DIS3L2: variants seen among roughly 807,000 people sequenced by gnomAD.
The protein encoded by DIS3L2 is DIS3 like 3'-5' exoribonuclease 2.
Under a neutral mutation model 97.5 loss-of-function variants are expected in DIS3L2, and 34 were observed. The observed-to-expected ratio is 0.35, with a 90% CI of 0.27 to 0.46. The LOEUF is 0.46. Among genes scored for constraint, DIS3L2 ranks in the 20% least tolerant of loss-of-function variants. The probability of loss-of-function intolerance (pLI) is 1.00; values close to 1 mark genes in which losing one functional copy is unlikely to be tolerated. For synonymous variants in DIS3L2, 435 were observed against 445.2 expected, an observed-to-expected ratio of 0.98 and a Z score of 0.29; for missense variants, 1,038 against 1,146.0, an observed-to-expected ratio of 0.91 and a Z score of 1.36.
At chr2:232,200,486 G>A (rs552940953) in intron 9 of DIS3L2, among the ~76,000 whole-genome samples, 1 of 152,130 alleles carries the variant, frequency 6.6e-6, no homozygotes, top group African/African-American at 2.4e-5. Flanking sequence ...GGGATATAGA[G>A]GCTCACTTGA....
intron 13 of DIS3L2, among the ~76,000 whole-genome samples, chr2:232,275,600 C>A (rs553828485): frequency 8.5e-5 from 13 of 152,172 alleles, no homozygotes; most frequent in Non-Finnish European, 1.9e-4. Flanking sequence ...CTTCTTGATT[C>A]CCTTGTTAAG....
chr2:232,137,185 A>G (rs1487770705), intron 8 of DIS3L2, among the ~76,000 whole-genome samples: 1 of 152,218 alleles, frequency 6.6e-6, no homozygotes, highest in East Asian at 1.9e-4. Context: ...TGCCTGTGGC[A>G]TTAAAAACTA....
At position 232,263,326 on chromosome 2, in the gene DIS3L2, C is replaced by T. The variant is rs1187281709; in HGVS notation, c.1545C>T (p.Pro515=). ...TEKIPAKELP[P]ISPEHSSEEV... ...AAATCCCTGCGAAAGAGCTGCCCCC[C>T]ATTTCCCCAGAGCATAGCAGCGAGG... The change falls in exon 13 of 21, where the codon CCC becomes CCT. Residue 515 remains proline, a synonymous_variant. Coordinates refer to ENST00000325385, the MANE Select transcript of DIS3L2 (RefSeq NM_152383.5). 1.2e-6 allele frequency: 2 copies of T among 1,614,220 alleles called. No individual in the cohort carries two copies. Among genetic ancestry groups the T allele is most frequent in the African/African-American group, 1.3e-5 (1 of 75,066 alleles).
chr2:232,332,454 A>G (rs868476520), intron 16 of DIS3L2, among the ~76,000 whole-genome samples: 2 of 151,828 alleles, frequency 1.3e-5, no homozygotes, highest in African/African-American at 4.9e-5. Context: ...AGGGAGCCAG[A>G]GAGACATACA....
In DIS3L2 at chr2:232,269,633, G is replaced by A. The variant is rs1182819315; in HGVS notation, c.1659+6193G>A. 6.6e-6 allele frequency among the ~76,000 whole-genome samples: 1 copy of A among 152,078 alleles called. No individual in the cohort carries two copies. The highest frequency in any genetic ancestry group is 1.5e-5 in the Non-Finnish European group (1 of 68,020). ...GAAGATTTTCCAGCAGAAGTAGTGG[G>A]GCATTAGGCCTTCTAAAAGACTTGA... On this transcript the variant is annotated intron_variant, in intron 13 of 20. Coordinates refer to ENST00000325385, the MANE Select transcript of DIS3L2 (RefSeq NM_152383.5). This position sits in a 1 kb window ranked among gnomAD's most constrained non-coding sequence, Gnocchi z 4.5.
rs533950949 is a variant in DIS3L2, at chr2:232,249,983, G to A, written c.1425+637G>A. ...GTCAGCAGGGGTTTCTGGGCATAAG[G>A]AAAAAGATGTCTGTGCCTGTCGTCG... On this transcript the variant is annotated intron_variant, in intron 12 of 20. Transcript: ENST00000325385. Among the ~76,000 whole-genome samples, 3 of 152,324 alleles carry A rather than the reference G, an allele frequency of 2.0e-5. No homozygotes were observed. The South Asian group carries it at 6.2e-4, about 32-fold the overall frequency.
At chr2:232,283,045 A>G (rs1694338027) in intron 13 of DIS3L2, among the ~76,000 whole-genome samples, 1 of 152,180 alleles carries the variant, frequency 6.6e-6, no homozygotes, top group Admixed American at 6.5e-5. Flanking sequence ...TGAGAGCCTT[A>G]TTTTCTATAA....
intron 15 of DIS3L2, 98 bp from the exon 16 acceptor site, chr2:232,330,592 C>A (rs1228830090): frequency 7.6e-7 from 1 of 1,319,378 alleles, no homozygotes; most frequent in Non-Finnish European, 1.1e-6. Context: ...AACTCCTCCC[C>A]CCAGAGCCGG....
At chr2:232,034,108 T>C (rs1473978730) in intron 5 of DIS3L2, among the ~76,000 whole-genome samples, 1 of 152,190 alleles carries the variant, frequency 6.6e-6, no homozygotes, top group Non-Finnish European at 1.5e-5. Context: ...TGGGCCTTTT[T>C]TTGGTTGGTA....
At position 232,002,392 on chromosome 2, in the gene DIS3L2, A is replaced by G. The variant is rs116209200; in HGVS notation, c.-93-12443A>G. On this transcript the variant is annotated intron_variant, in intron 1 of 20. Transcript: ENST00000325385. ...TATGAATTTTAGGATTGCTTTTTCT[A>G]TTTTTGTGAAAAATGTCATGGAATT... 2.7e-3 allele frequency among the ~76,000 whole-genome samples: 413 copies of G among 151,970 alleles called. 3 individuals are homozygous for G. The highest frequency in any genetic ancestry group is 9.5e-3 in the African/African-American group (393 of 41,476).
intron 6 of DIS3L2, among the ~76,000 whole-genome samples, chr2:232,119,027 G>A (rs1158037692): frequency 2.6e-5 from 4 of 152,176 alleles, no homozygotes; most frequent in Non-Finnish European, 5.9e-5. Flanking sequence ...TTGAAAAAGA[G>A]GACTGGCTCT....
At chr2:231,982,431 A>G (rs1045409643) in intron 1 of DIS3L2, among the ~76,000 whole-genome samples, 2 of 152,170 alleles carry the variant, frequency 1.3e-5, no homozygotes, top group Non-Finnish European at 2.9e-5. Flanking sequence ...TATATTCAAT[A>G]CTTACGTATT....
intron 10 of DIS3L2, among the ~76,000 whole-genome samples, chr2:232,225,779 C>A (rs1478038476): frequency 6.6e-6 from 1 of 151,846 alleles, no homozygotes; most frequent in Non-Finnish European, 1.5e-5. Context: ...GGAAACAACC[C>A]AAATGTGTCT....
At chr2:232,137,268 A>G (rs757458500) in intron 8 of DIS3L2, among the ~76,000 whole-genome samples, 17 of 152,242 alleles carry the variant, frequency 1.1e-4, no homozygotes, top group Non-Finnish European at 2.9e-5. Context: ...TTAAATATAC[A>G]TGACATAGTC....
chr2:232,170,737 C>T (rs1383423850), intron 9 of DIS3L2, among the ~76,000 whole-genome samples: 3 of 151,838 alleles, frequency 2.0e-5, no homozygotes, highest in African/African-American at 7.3e-5. Context: ...TCTCGGCTGC[C>T]AAAATAGAAA....
intron 9 of DIS3L2, among the ~76,000 whole-genome samples, chr2:232,166,339 C>A (rs540911391): frequency 8.8e-5 from 13 of 148,036 alleles, no homozygotes; most frequent in Admixed American, 2.0e-4. Flanking sequence ...CACACACACA[C>A]GCGTGCGCGC....
At position 232,303,848 on chromosome 2, in the gene DIS3L2, C is replaced by G. The variant is rs1469855631; in HGVS notation, c.1739+3729C>G. ...CTTGGCTCTCTGTCATCCTGTTCTC[C>G]TTTCACATAAAGGGGCTAATCTCTA... On this transcript the variant is annotated intron_variant, in intron 14 of 20. Coordinates refer to ENST00000325385, the MANE Select transcript of DIS3L2 (RefSeq NM_152383.5). Among the ~76,000 whole-genome samples, 7 of 152,292 alleles carry G rather than the reference C, an allele frequency of 4.6e-5. No individual in the cohort carries two copies. The South Asian group carries it at 6.2e-4, about 14-fold the overall frequency.
intron 1 of DIS3L2, among the ~76,000 whole-genome samples, chr2:231,989,547 G>A (rs1173925389): frequency 6.6e-6 from 1 of 152,030 alleles, no homozygotes; most frequent in Non-Finnish European, 1.5e-5. Flanking sequence ...TTAAGAAAAG[G>A]GACAGGGGAC....
chr2:232,327,816 G>C (rs556040081), intron 14 of DIS3L2, among the ~76,000 whole-genome samples: 1 of 152,334 alleles, frequency 6.6e-6, no homozygotes, highest in East Asian at 1.9e-4. Flanking sequence ...CAGGAGAACA[G>C]TGCCTGCGTC....
Sources: gnomAD v4.1 joint callset for allele counts (sites outside exome capture counted in the v4.1 genomes callset) on GRCh38, gnomAD v4.1.1 for gene constraint, Gnocchi (gnomAD v3.1) non-coding constraint, MANE v1.5 for transcripts, NCBI Gene and HGNC (gene_info 2026-07-23, HGNC 2026-07-21) for gene names.